Variants in BMPR1A observed in about 807,000 individuals in gnomAD.
BMPR1A encodes the protein bone morphogenetic protein receptor type 1A, also known as bone morphogenetic protein receptor type-1A.
Under a neutral mutation model 66.0 loss-of-function variants are expected in BMPR1A, and 7 were observed. The observed-to-expected ratio is 0.11, with a 90% confidence interval of 0.06 to 0.20. The LOEUF is 0.20. BMPR1A is among the 10% of genes least tolerant of loss of function. The pLI is 1.00. For synonymous variants in BMPR1A, 200 were observed against 229.7 expected, an observed-to-expected ratio of 0.87 and a Z score of 1.17; for missense variants, 408 against 669.1, an observed-to-expected ratio of 0.61 and a Z score of 4.31.
At chr10:86,780,822 A>G (rs1377249345) in intron 1 of BMPR1A, among the ~76,000 whole-genome samples, 1 of 152,222 alleles carries the variant, frequency 6.6e-6, no homozygotes, top group African/African-American at 2.4e-5. Context: ...CCAATATGAC[A>G]TGTAATTTTA....
At chr10:86,920,856 C>CTTTTTT (rs397774280) in intron 10 of BMPR1A, among the ~76,000 whole-genome samples, 147 of 122,168 alleles carry the variant, frequency 1.2e-3, no homozygotes, top group African/African-American at 2.0e-3. Context: ...CTTTTCTTTT[C>CTTTTTT]TTTTTTTTTT....
At position 86,790,177 on chromosome 10, in the gene BMPR1A, AAAAAAAAAAAAATATATATATAT is replaced by A. The variant is rs1348939417; in HGVS notation, c.-268+33260_-268+33282del. Among the ~76,000 whole-genome samples, 101 of 44,066 alleles carry A rather than the reference AAAAAAAAAAAAATATATATATAT, an allele frequency of 2.3e-3. 11 individuals carry two copies. Among genetic ancestry groups the A allele is most frequent in the African/African-American group, 8.7e-3 (93 of 10,630 alleles). 28.9% of individuals were successfully genotyped at this position (44,066 alleles called of 152,430 possible). Reference sequence around the variant, plus strand: ...ACTCTGTCTCCAAAAAAAAAAAAAAAAAAAAAAAAAAATATATATATATATATATATATATATATATATATATA... The same window carrying A: ...ACTCTGTCTCCAAAAAAAAAAAAAAAATATATATATATATATATATATATA... On this transcript the variant is annotated intron_variant, in intron 1 of 12. Coordinates refer to ENST00000372037, the MANE Select transcript of BMPR1A (RefSeq NM_004329.3).
chr10:86,830,459 T>C (rs1164432106), intron 1 of BMPR1A, among the ~76,000 whole-genome samples: 1 of 152,196 alleles, frequency 6.6e-6, no homozygotes, highest in African/African-American at 2.4e-5. Context: ...TCACTGGCAG[T>C]GTATGAGAGA....
At chr10:86,922,516 A>G (rs1843681868) in intron 11 of BMPR1A, among the ~76,000 whole-genome samples, 1 of 152,214 alleles carries the variant, frequency 6.6e-6, no homozygotes, top group Non-Finnish European at 1.5e-5. Context: ...GAAGGACCAC[A>G]GGACTCGGCA....
rs368190663 is a variant in BMPR1A, at chr10:86,861,198, G to A, written c.-152-14669G>A. ...TTTCAACCTGAAAAGATGTTGTAAC[G>A]CAGAATAAAGAAAATAAAGTACAGA... On this transcript the variant is annotated intron_variant, in intron 2 of 12. Transcript: ENST00000372037. 2.6e-5 allele frequency among the ~76,000 whole-genome samples: 4 copies of A among 152,198 alleles called. No homozygotes were observed. The South Asian group carries it at 6.2e-4, about 24-fold the overall frequency.
At chr10:86,853,040 A>G (rs1006732359) in intron 2 of BMPR1A, among the ~76,000 whole-genome samples, 10 of 152,240 alleles carry the variant, frequency 6.6e-5, no homozygotes, top group African/African-American at 2.4e-4. Flanking sequence ...TATAAAGTAC[A>G]AATAATACTG....
chr10:86,798,978 A>G (rs1274962891), intron 1 of BMPR1A, among the ~76,000 whole-genome samples: 1 of 152,170 alleles, frequency 6.6e-6, no homozygotes. Flanking sequence ...TTGTTTTTAG[A>G]GATTCTGGAA....
intron 1 of BMPR1A, among the ~76,000 whole-genome samples, chr10:86,818,893 T>A (rs186164897): frequency 1.3e-5 from 2 of 152,176 alleles, no homozygotes; most frequent in East Asian, 3.8e-4. Context: ...ATTTTTTGGA[T>A]TTTTTTGTTG....
chr10:86,893,063 G>A (rs1843175429), intron 5 of BMPR1A, among the ~76,000 whole-genome samples: 1 of 151,900 alleles, frequency 6.6e-6, no homozygotes, highest in African/African-American at 2.4e-5. Flanking sequence ...CTTAAAAAAA[G>A]TTTTAAATCA....
intron 1 of BMPR1A, among the ~76,000 whole-genome samples, chr10:86,827,194 C>A (rs1189259845): frequency 6.6e-6 from 1 of 152,024 alleles, no homozygotes; most frequent in Non-Finnish European, 1.5e-5. Context: ...TTAAGTTTTA[C>A]CACATTTGTG....
chr10:86,778,927 CTTT>C (rs34496927), intron 1 of BMPR1A, among the ~76,000 whole-genome samples: 5 of 118,484 alleles, frequency 4.2e-5, no homozygotes, highest in Admixed American at 8.4e-5. Flanking sequence ...TATGTATTTT[CTTT>C]TTTTTTTTTT....
chr10:86,828,221 A>G (rs774351098), intron 1 of BMPR1A, among the ~76,000 whole-genome samples: 1 of 152,188 alleles, frequency 6.6e-6, no homozygotes, highest in African/African-American at 2.4e-5. Flanking sequence ...CAGTTTTTAT[A>G]TCTTCAGTCT....
In BMPR1A at chr10:86,925,323, G is replaced by A. The variant is rs540382426; in HGVS notation, c.*1604G>A. 1.6e-4 allele frequency: 36 copies of A among 221,330 alleles called. No individual in the cohort carries two copies. The East Asian group carries it at 2.4e-3, about 15-fold the overall frequency. 13.7% of individuals were successfully genotyped at this position (221,330 alleles called of 1,614,324 possible). ...TATTTGATTATAACATAAAATAAATGTGATTATATCACATCATCATCAAAA... is the reference window on the plus strand; with the variant it reads ...TATTTGATTATAACATAAAATAAATATGATTATATCACATCATCATCAAAA... On this transcript the variant is annotated 3_prime_UTR_variant, in exon 13 of 13. Transcript: ENST00000372037.
At chr10:86,826,234 T>C (rs139720589) in intron 1 of BMPR1A, among the ~76,000 whole-genome samples, 31 of 152,300 alleles carry the variant, frequency 2.0e-4, no homozygotes, top group African/African-American at 5.1e-4. Context: ...TTAAGAGATA[T>C]AGTATTAATA....
At chr10:86,849,121 A>G (rs1842530074) in intron 2 of BMPR1A, among the ~76,000 whole-genome samples, 1 of 152,204 alleles carries the variant, frequency 6.6e-6, no homozygotes, top group Non-Finnish European at 1.5e-5. Flanking sequence ...AGTTCAGGCT[A>G]CTTTACACTA....
chr10:86,793,425 G>A lies in BMPR1A; in HGVS notation c.-268+36506G>A, dbSNP rs372137104. Among the ~76,000 whole-genome samples, 5 of 150,928 alleles carry A rather than the reference G, an allele frequency of 3.3e-5. No individual in the cohort carries two copies. In the East Asian group the frequency reaches 5.8e-4, roughly 18 times the overall value. Reference sequence around the variant, plus strand: ...GTTGCCCAGGCTGGAGTGCAATGGCGTGATCTCGGCTCTCTGCAACCTCTG... The same window carrying A: ...GTTGCCCAGGCTGGAGTGCAATGGCATGATCTCGGCTCTCTGCAACCTCTG... On this transcript the variant is annotated intron_variant, in intron 1 of 12. Coordinates refer to ENST00000372037, the MANE Select transcript of BMPR1A (RefSeq NM_004329.3).
chr10:86,760,248 CTTTTTTTTT>C (rs60211336), intron 1 of BMPR1A, among the ~76,000 whole-genome samples: 2 of 17,010 alleles, frequency 1.2e-4, no homozygotes, highest in Non-Finnish European at 2.2e-4. Flanking sequence ...TTCTTTCTTT[CTTTTTTTTT>C]TTTTTTTTTT....
chr10:86,896,015 G>A (rs534636391), intron 5 of BMPR1A, among the ~76,000 whole-genome samples: 2 of 152,220 alleles, frequency 1.3e-5, no homozygotes, highest in South Asian at 2.1e-4. Flanking sequence ...TTAGCCGGGC[G>A]TGGTGGCACA....
intron 2 of BMPR1A, among the ~76,000 whole-genome samples, chr10:86,848,396 A>G (rs1296586835): frequency 1.3e-5 from 2 of 152,084 alleles, no homozygotes; most frequent in African/African-American, 4.8e-5. Flanking sequence ...TAATATTATT[A>G]TGCTTGAATA....
Sources: allele counts gnomAD v4.1 joint callset (sites outside exome capture counted in the v4.1 genomes callset), GRCh38; gene constraint gnomAD v4.1.1; transcripts MANE v1.5; gene names NCBI Gene and HGNC (gene_info 2026-07-23, HGNC 2026-07-21).